GDA: variants seen among roughly 807,000 people sequenced by gnomAD.
The protein encoded by GDA is guanine deaminase.
GDA carries 18 observed loss-of-function variants against 59.6 expected under a neutral mutation model. The ratio of observed to expected loss-of-function variants is 0.30; its 90% CI spans 0.21 to 0.45. GDA has a LOEUF of 0.45. Ranked by LOEUF, GDA falls within the 20% of genes least tolerant of loss-of-function variation. The pLI is 1.00. For synonymous variants in GDA, 201 were observed against 201.1 expected, an observed-to-expected ratio of 1.00 and a Z score of 0.00; for missense variants, 427 against 552.3, an observed-to-expected ratio of 0.77 and a Z score of 2.27.
At position 72,250,376 on chromosome 9, in the gene GDA, G is replaced by A. The variant is rs1840566648; in HGVS notation, c.*2034G>A. 1 of 1,112,554 alleles carries A rather than the reference G, an allele frequency of 9.0e-7. No individual in the cohort carries two copies. The highest frequency in any genetic ancestry group is 1.7e-5 in the African/African-American group (1 of 60,058). 68.9% of individuals were successfully genotyped at this position (1,112,554 alleles called of 1,614,324 possible). Reference sequence around the variant, plus strand: ...ACTCATGTGCAGTAAATATAAATAAGTGTAGCATCAGAAGCAGTAGGAATG... The same window carrying A: ...ACTCATGTGCAGTAAATATAAATAAATGTAGCATCAGAAGCAGTAGGAATG... On this transcript the variant is annotated 3_prime_UTR_variant, in exon 14 of 14. Coordinates refer to ENST00000358399, the MANE Select transcript of GDA (RefSeq NM_004293.5).
At chr9:72,215,692 G>C (rs1232580098) in intron 5 of GDA, among the ~76,000 whole-genome samples, 1 of 152,202 alleles carries the variant, frequency 6.6e-6, no homozygotes, top group Non-Finnish European at 1.5e-5. Flanking sequence ...AGGCTAGAGA[G>C]AGACCATGGG....
intron 1 of GDA, among the ~76,000 whole-genome samples, chr9:72,185,200 A>G (rs1050367418): frequency 1.2e-4 from 18 of 152,318 alleles, no homozygotes; most frequent in African/African-American, 4.3e-4. Flanking sequence ...TTACTGTCTC[A>G]CCCTTTAGGG....
intron 11 of GDA, among the ~76,000 whole-genome samples, chr9:72,242,877 T>G (rs770950137): frequency 3.9e-5 from 6 of 152,212 alleles, no homozygotes; most frequent in Non-Finnish European, 8.8e-5. Flanking sequence ...TAAAGAGTGC[T>G]TTTTGAATTC....
At chr9:72,255,994 A>G (rs1016873380), downstream of GDA, among the ~76,000 whole-genome samples, 1 of 152,216 alleles carries the variant, frequency 6.6e-6, no homozygotes, top group Admixed American at 6.5e-5. Context: ...AACTCATTTA[A>G]TGTTGTTTGT....
At chr9:72,242,568 A>G (rs1839734426) in intron 11 of GDA, among the ~76,000 whole-genome samples, 1 of 152,214 alleles carries the variant, frequency 6.6e-6, no homozygotes. Context: ...GACCGAAGCC[A>G]AGATTATCCT....
intron 3 of GDA, among the ~76,000 whole-genome samples, chr9:72,208,825 A>G (rs914661201): frequency 1.3e-5 from 2 of 152,176 alleles, no homozygotes; most frequent in African/African-American, 4.8e-5. Flanking sequence ...CCTCCTTTTT[A>G]ATTGCTAGAA....
At position 72,250,991 on chromosome 9, in the gene GDA, C is replaced by A; in HGVS notation, c.*2649C>A. The A allele has an allele frequency of 3.2e-6, 2 of 619,698 alleles. No homozygotes were observed. Among genetic ancestry groups the A allele is most frequent in the Non-Finnish European group, 5.6e-6 (2 of 357,600 alleles). 38.4% of individuals were successfully genotyped at this position (619,698 alleles called of 1,614,324 possible). On this transcript the variant is annotated 3_prime_UTR_variant, in exon 14 of 14. Coordinates refer to ENST00000358399, the MANE Select transcript of GDA (RefSeq NM_004293.5). The stretch of plus-strand genomic sequence containing the variant: ...AAAAGATTAGGATGTGAAAGGTTGT[C>A]CTAAACAGACCAAGGAGACTGTTCC...
chr9:72,209,899 G>A (rs943580328), intron 3 of GDA, among the ~76,000 whole-genome samples: 5 of 152,136 alleles, frequency 3.3e-5, no homozygotes, highest in Non-Finnish European at 7.4e-5. Context: ...ATGACTGAGT[G>A]CCCTTGAGGT....
chr9:72,205,581 T>G (rs1834593669), intron 3 of GDA, among the ~76,000 whole-genome samples: 2 of 152,128 alleles, frequency 1.3e-5, no homozygotes, highest in South Asian at 4.1e-4. Flanking sequence ...AAAATGGAAG[T>G]GAGGTATAGC....
intron 1 of GDA, among the ~76,000 whole-genome samples, chr9:72,191,321 G>A (rs954409261): frequency 1.3e-5 from 2 of 151,988 alleles, no homozygotes; most frequent in Admixed American, 6.6e-5. Context: ...AGGGAAAGTG[G>A]GACTCAGTTA....
chr9:72,147,312 A>G (rs1049839071), upstream of GDA, among the ~76,000 whole-genome samples: 1 of 152,102 alleles, frequency 6.6e-6, no homozygotes, highest in Non-Finnish European at 1.5e-5. Context: ...GGTTCAAGCA[A>G]TTTTCCTGCC....
intron 1 of GDA, among the ~76,000 whole-genome samples, chr9:72,165,664 G>A (rs1253028827): frequency 1.3e-5 from 2 of 152,130 alleles, no homozygotes; most frequent in Non-Finnish European, 2.9e-5. Context: ...GTGGGAGGCC[G>A]AGGTGGGCGG....
downstream of GDA, among the ~76,000 whole-genome samples, chr9:72,258,475 C>G (rs950500881): frequency 1.3e-5 from 2 of 152,130 alleles, no homozygotes; most frequent in Admixed American, 1.3e-4. Flanking sequence ...CTGGACGGGA[C>G]AGGGCAACAT....
intron 5 of GDA, 63 bp downstream of exon 5, chr9:72,214,054 T>A: frequency 1.1e-6 from 1 of 936,650 alleles, no homozygotes. Flanking sequence ...CTGATGGAGT[T>A]AGAGATGGAA....
At chr9:72,219,616 A>T (rs1406576450) in intron 6 of GDA, 110 bp downstream of exon 6, 1 of 691,090 alleles carries the variant, frequency 1.4e-6, no homozygotes, top group Non-Finnish European at 2.5e-6. Context: ...TATCTCATGC[A>T]TGTAGAAGTA....
upstream of GDA, among the ~76,000 whole-genome samples, chr9:72,145,209 A>C (rs1457397333): frequency 6.6e-6 from 1 of 152,136 alleles, no homozygotes; most frequent in Non-Finnish European, 1.5e-5. Context: ...GCTAGATCTG[A>C]GTGTCACCAG....
In GDA at chr9:72,168,504, T is replaced by C. The variant is rs116758787; in HGVS notation, c.123+18822T>C. Among the ~76,000 whole-genome samples, 429 of 151,728 alleles carry C rather than the reference T, an allele frequency of 2.8e-3. 3 individuals carry two copies. Among genetic ancestry groups the C allele is most frequent in the African/African-American group, 9.9e-3 (409 of 41,368 alleles). On this transcript the variant is annotated intron_variant, in intron 1 of 13. Transcript: ENST00000358399. The stretch of plus-strand genomic sequence containing the variant: ...CTTCCTTCCAGGTTCAAATGATTCT[T>C]GTGTCTCAACCACCCAAGTAGCTGG...
intron 1 of GDA, among the ~76,000 whole-genome samples, chr9:72,168,036 G>A (rs1026314802): frequency 2.0e-5 from 3 of 152,090 alleles, no homozygotes; most frequent in Admixed American, 2.0e-4. Flanking sequence ...ACATCACCTG[G>A]GAGATAGAAT....
chr9:72,235,690 C>CA (rs11411689), intron 10 of GDA, among the ~76,000 whole-genome samples: 65,384 of 141,986 alleles, frequency 0.46, 14,415 homozygotes, highest in Middle Eastern at 0.55. Context: ...GAGAGAGACT[C>CA]AAAAAAAAAA....
Sources: gnomAD v4.1 joint callset for allele counts (sites outside exome capture counted in the v4.1 genomes callset) on GRCh38, gnomAD v4.1.1 for gene constraint, MANE v1.5 for transcripts, NCBI Gene and HGNC (gene_info 2026-07-23, HGNC 2026-07-21) for gene names.